PIEZO2: variants seen among roughly 807,000 people sequenced by gnomAD.
The protein encoded by PIEZO2 is piezo-type mechanosensitive ion channel component 2.
PIEZO2 carries 172 observed loss-of-function variants against 337.3 expected under a neutral mutation model. That is an observed-to-expected ratio of 0.51 (90% CI 0.45 to 0.58). The LOEUF is 0.58. Among genes scored for constraint, PIEZO2 ranks in the 20% least tolerant of loss-of-function variants. The pLI is 0.00. For missense variants in PIEZO2, 3,028 were observed against 3,391.3 expected (o/e 0.89, Z 2.66); for synonymous variants, 1,251 against 1,228.5 (o/e 1.02, Z -0.38).
chr18:10,925,875 T>G (rs2031701136), intron 3 of PIEZO2, among the ~76,000 whole-genome samples: 1 of 147,178 alleles, frequency 6.8e-6, no homozygotes, highest in Non-Finnish European at 1.5e-5. Flanking sequence ...GCCAAAAGTT[T>G]TTTAATGTAA....
chr18:10,765,944 T>C (rs764523785), intron 21 of PIEZO2, among the ~76,000 whole-genome samples: 1 of 152,078 alleles, frequency 6.6e-6, no homozygotes, highest in African/African-American at 2.4e-5. Flanking sequence ...AGAGCTTCAA[T>C]GACAAGGAAA....
rs895665439 is a variant in PIEZO2, at chr18:10,943,240, C to T, written c.287-32012G>A. 4.6e-5 allele frequency among the ~76,000 whole-genome samples: 7 copies of T among 152,166 alleles called. No individual in the cohort carries two copies. Among genetic ancestry groups the T allele is most frequent in the African/African-American group, 1.7e-4 (7 of 41,452 alleles). On this transcript the variant is annotated intron_variant, in intron 3 of 55. Coordinates refer to ENST00000674853, the MANE Select transcript of PIEZO2 (RefSeq NM_001378183.1). The surrounding 1 kb of genome is among the most constrained non-coding windows in gnomAD (Gnocchi z 4.5). ...AGAGGGCCACTGCCATCCTGTAGAC[C>T]CCAGAATGGTAGATCCACCAACAGC... is the stretch of plus-strand genomic sequence containing the variant.
chr18:11,061,629 C>T (rs2037962205), intron 2 of PIEZO2, among the ~76,000 whole-genome samples: 1 of 151,816 alleles, frequency 6.6e-6, no homozygotes, highest in South Asian at 2.1e-4. Flanking sequence ...AACAGAGAGC[C>T]AAATCATGAG....
intron 1 of PIEZO2, among the ~76,000 whole-genome samples, chr18:11,142,919 A>ATT (rs1262695021): frequency 1.3e-5 from 2 of 152,104 alleles, no homozygotes; most frequent in African/African-American, 4.8e-5. Context: ...GCTACTAAAA[A>ATT]TACAAAAAAA....
In PIEZO2 at chr18:11,127,399, G is replaced by T. The variant is rs2040212204; in HGVS notation, c.64+21126C>A. On this transcript the variant is annotated intron_variant, in intron 1 of 55. Transcript: ENST00000674853. This position sits in a 1 kb window ranked among gnomAD's most constrained non-coding sequence, Gnocchi z 4.5. Reference sequence around the variant, plus strand: ...TGTCTGGGAGGGTGTTGCCAAAAGAGATTACCATTTGAGACAGTGGGCTGG... The same window carrying T: ...TGTCTGGGAGGGTGTTGCCAAAAGATATTACCATTTGAGACAGTGGGCTGG... Among the ~76,000 whole-genome samples the T allele has an allele frequency of 6.6e-6, 1 of 152,154 alleles. No individual in the cohort carries two copies. The highest frequency in any genetic ancestry group is 1.5e-5 in the Non-Finnish European group (1 of 68,028).
intron 2 of PIEZO2, among the ~76,000 whole-genome samples, chr18:10,994,713 T>C (rs2035241760): frequency 6.6e-6 from 1 of 151,624 alleles, no homozygotes; most frequent in South Asian, 2.1e-4. Flanking sequence ...CAGCCTACTT[T>C]TCATTCTTTA....
At chr18:11,018,694 G>C (rs528704477) in intron 2 of PIEZO2, among the ~76,000 whole-genome samples, 1 of 152,000 alleles carries the variant, frequency 6.6e-6, no homozygotes, top group Non-Finnish European at 1.5e-5. Flanking sequence ...TCTATGATTA[G>C]GCAGAAGATG....
At chr18:10,737,983 T>A (rs539857662) in intron 33 of PIEZO2, 2 of 152,344 alleles carry the variant, frequency 1.3e-5, no homozygotes, top group South Asian at 4.1e-4. Context: ...CAGAAAAATC[T>A]GAAGCCTCCA....
intron 7 of PIEZO2, among the ~76,000 whole-genome samples, chr18:10,812,483 A>G (rs34914053): frequency 0.17 from 26,594 of 152,138 alleles, 2,925 homozygotes; most frequent in East Asian, 0.37. Context: ...CGCTATTTAT[A>G]GATATAACAA....
intron 33 of PIEZO2, chr18:10,740,815 C>T (rs1029802299): frequency 1.0e-5 from 7 of 686,374 alleles, no homozygotes; most frequent in African/African-American, 5.3e-5. Context: ...ACAGCCAGCA[C>T]AAGAATGTCA....
At chr18:10,758,491 G>A (rs1355215443) in intron 26 of PIEZO2, among the ~76,000 whole-genome samples, 1 of 151,990 alleles carries the variant, frequency 6.6e-6, no homozygotes, top group African/African-American at 2.4e-5. Flanking sequence ...TGTCGCCCAG[G>A]CTGGAGTGCA....
chr18:10,742,760 C>T, intron 31 of PIEZO2, 145 bp from the exon 32 acceptor site: 4 of 800,186 alleles, frequency 5.0e-6, no homozygotes, highest in Non-Finnish European at 7.6e-6. Flanking sequence ...AATGGTTGCT[C>T]ATTAGCAACA....
At chr18:11,049,645 G>A (rs2037447922) in intron 2 of PIEZO2, among the ~76,000 whole-genome samples, 1 of 152,112 alleles carries the variant, frequency 6.6e-6, no homozygotes, top group Non-Finnish European at 1.5e-5. Context: ...CTGAATCATG[G>A]GGATGGTTTC....
In PIEZO2 at chr18:10,726,853, T is replaced by C. The variant is rs2036565211; in HGVS notation, c.5029+4554A>G. ...CCGGATGCCCCACCTTATGCAGGACTTGGCACGCTACCGGCAGCAGCTGAA... is the reference window on the plus strand; with the variant it reads ...CCGGATGCCCCACCTTATGCAGGACCTGGCACGCTACCGGCAGCAGCTGAA... On this transcript the variant is annotated intron_variant, in intron 36 of 55. Transcript: ENST00000674853. This position sits in a 1 kb window ranked among gnomAD's most constrained non-coding sequence, Gnocchi z 5.9. The C allele has an allele frequency of 6.3e-7, 1 of 1,592,470 alleles. No homozygotes were observed. The highest frequency in any genetic ancestry group is 1.3e-5 in the African/African-American group (1 of 74,226).
chr18:11,020,080 CTT>C (rs377147808), intron 2 of PIEZO2, among the ~76,000 whole-genome samples: 21 of 152,228 alleles, frequency 1.4e-4, no homozygotes, highest in African/African-American at 4.8e-4. Flanking sequence ...GAAACTTAAG[CTT>C]CAATTTTCTA....
chr18:10,702,175 C>A lies in PIEZO2; in HGVS notation c.6259-4G>T. 6.5e-7 allele frequency: 1 copy of A among 1,532,744 alleles called. No individual in the cohort carries two copies. The highest frequency in any genetic ancestry group is 8.7e-7 in the Non-Finnish European group (1 of 1,145,742). 94.9% of individuals were successfully genotyped at this position (1,532,744 alleles called of 1,614,324 possible). A position where few individuals can be genotyped will look rare whatever the true frequency, so the allele number is the denominator to read the frequency against. ...AATACTTGACTACAATTGCCACCTA[C>A]GCACAGATGACAGAAATTTTAAAAC... is the stretch of plus-strand genomic sequence containing the variant. On this transcript the variant is annotated splice_polypyrimidine_tract_variant and splice_region_variant and intron_variant, in intron 42 of 55. Coordinates refer to ENST00000674853, the MANE Select transcript of PIEZO2 (RefSeq NM_001378183.1).
At position 10,781,473 on chromosome 18, in the gene PIEZO2, T is replaced by TAA. The variant is rs11373818; in HGVS notation, c.2493-1109_2493-1108dup. 1.6e-4 allele frequency among the ~76,000 whole-genome samples: 18 copies of TAA among 114,610 alleles called. No individual in the cohort carries two copies. Among genetic ancestry groups the TAA allele is most frequent in the South Asian group, 1.4e-3 (5 of 3,496 alleles). 75.2% of individuals were successfully genotyped at this position (114,610 alleles called of 152,430 possible). ...CAACAGAGCGAGACTCCGTTTCAAA[T>TAA]AAAAAAAAAAACCAGTAATGAATAT... On this transcript the variant is annotated intron_variant, in intron 17 of 55. Coordinates refer to ENST00000674853, the MANE Select transcript of PIEZO2 (RefSeq NM_001378183.1). The surrounding 1 kb of genome is among the most constrained non-coding windows in gnomAD (Gnocchi z 4.1).
In PIEZO2 at chr18:10,742,565, C is replaced by A. The variant is rs772488085; in HGVS notation, c.4565G>T (p.Arg1522Met). Residue 1522 changes from arginine (R) to methionine (M), a missense_variant, in exon 32 of 56, where the codon AGG (arginine) becomes ATG (methionine). By Grantham distance (91) the Arg-to-Met change is moderately conservative. This residue lies in a region of PIEZO2 where 1,925 missense variants were observed against 2,051.9 expected (regional missense o/e 0.94). Transcript: ENST00000674853. ...RQQKYKKGKE[R>M]MLSLTQEPGE... ...TGGCTCCTGGGTCAAGCTCAGCATCCTCTCCTTACCCTTTTTATATTTCTG... is the reference window on the plus strand; with the variant it reads ...TGGCTCCTGGGTCAAGCTCAGCATCATCTCCTTACCCTTTTTATATTTCTG... The A allele has an allele frequency of 7.8e-6, 12 of 1,537,172 alleles. No homozygotes were observed. The highest frequency in any genetic ancestry group is 1.0e-5 in the Non-Finnish European group (12 of 1,146,874).
rs1315978436 is a variant in PIEZO2, at chr18:10,673,589, T to C, written c.8162-716A>G. 6.6e-6 allele frequency among the ~76,000 whole-genome samples: 1 copy of C among 152,124 alleles called. No homozygotes were observed. The highest frequency in any genetic ancestry group is 1.5e-5 in the Non-Finnish European group (1 of 68,022). ...AATCTCTGAGAACCATAATATCGGG[T>C]CAGTGATTACTTTTATTGGAGTTTA... On this transcript the variant is annotated intron_variant, in intron 54 of 55. Coordinates refer to ENST00000674853, the MANE Select transcript of PIEZO2 (RefSeq NM_001378183.1). The surrounding 1 kb of genome is among the most constrained non-coding windows in gnomAD (Gnocchi z 4.8).
Sources: allele counts gnomAD v4.1 joint callset (sites outside exome capture counted in the v4.1 genomes callset), GRCh38; gene constraint gnomAD v4.1.1; regional missense constraint gnomAD v4.1.1; non-coding constraint Gnocchi (gnomAD v3.1); transcripts MANE v1.5; gene names NCBI Gene and HGNC (gene_info 2026-07-23, HGNC 2026-07-21).